ARHGAP22: variants seen among roughly 807,000 people sequenced by gnomAD.
ARHGAP22 encodes the protein rho GTPase-activating protein 22.
Under a neutral mutation model 59.1 loss-of-function variants are expected in ARHGAP22, and 48 were observed. That is an observed-to-expected ratio of 0.81 (90% CI 0.64 to 1.03). The LOEUF (loss-of-function observed/expected upper bound fraction) is 1.03. ARHGAP22 is among the 50% of genes least tolerant of loss of function. The pLI is 0.00. For synonymous variants in ARHGAP22, 445 were observed against 416.4 expected (o/e 1.07, Z -0.84); for missense variants, 1,015 against 958.7 (o/e 1.06, Z -0.78).
At chr10:48,457,461 T>C (rs942194771) in intron 5 of ARHGAP22, among the ~76,000 whole-genome samples, 36 of 152,036 alleles carry the variant, frequency 2.4e-4, no homozygotes, top group Non-Finnish European at 2.9e-5. Flanking sequence ...CCTTAGAATT[T>C]CTAATGCATG....
chr10:48,459,585 G>T, intron 5 of ARHGAP22, 99 bp downstream of exon 5: 1 of 1,384,508 alleles, frequency 7.2e-7, no homozygotes. Flanking sequence ...CCATCCTGTC[G>T]CTAGCCCACC....
rs1307182152 is a variant in ARHGAP22 at position 48,543,799 on chromosome 10, G to T, written c.322+11664C>A. Among the ~76,000 whole-genome samples the T allele has an allele frequency of 1.3e-5, 2 of 152,074 alleles. 1 individual carries two copies. The highest frequency in any genetic ancestry group is 2.9e-5 in the Non-Finnish European group (2 of 67,998). On this transcript the variant is annotated intron_variant, in intron 3 of 9. Transcript: ENST00000249601. ...TTAAAATCTCATTGGAAGCTTGTTT[G>T]TCTATGACAGATAAAAGAAGAACTG...
intron 3 of ARHGAP22, among the ~76,000 whole-genome samples, chr10:48,489,288 C>T (rs1441061239): frequency 1.3e-5 from 2 of 152,136 alleles, no homozygotes; most frequent in East Asian, 3.9e-4. Flanking sequence ...ATTGATGACC[C>T]CATTTGACAG....
chr10:48,520,103 A>G (rs917535856), intron 3 of ARHGAP22, among the ~76,000 whole-genome samples: 4 of 152,178 alleles, frequency 2.6e-5, no homozygotes, highest in African/African-American at 9.7e-5. Context: ...CAGGGTCGAG[A>G]GCCAGGAAAG....
intron 3 of ARHGAP22, among the ~76,000 whole-genome samples, chr10:48,487,614 A>G (rs1205301917): frequency 6.6e-6 from 1 of 152,178 alleles, no homozygotes; most frequent in African/African-American, 2.4e-5. Context: ...AGAAACTGGA[A>G]AGCTCAAGAA....
chr10:48,563,646 A>G (rs181986518), intron 2 of ARHGAP22, among the ~76,000 whole-genome samples: 5 of 152,308 alleles, frequency 3.3e-5, no homozygotes, highest in Non-Finnish European at 7.4e-5. Context: ...CTTATACTAC[A>G]GTAGACTACA....
At chr10:48,510,069 C>G (rs539856704) in intron 3 of ARHGAP22, among the ~76,000 whole-genome samples, 27 of 152,290 alleles carry the variant, frequency 1.8e-4, no homozygotes, top group African/African-American at 6.3e-4. Flanking sequence ...AAGTTTTTTA[C>G]CTCTTGGAGC....
At chr10:48,566,790 G>C (rs2058071153) in intron 2 of ARHGAP22, among the ~76,000 whole-genome samples, 1 of 152,216 alleles carries the variant, frequency 6.6e-6, no homozygotes, top group Non-Finnish European at 1.5e-5. Context: ...GTTCTGCAGA[G>C]AGCAGGGGCT....
At chr10:48,442,036 C>T (rs1042379957), downstream of ARHGAP22, among the ~76,000 whole-genome samples, 4 of 152,182 alleles carry the variant, frequency 2.6e-5, no homozygotes, top group Admixed American at 6.5e-5. Flanking sequence ...ATGACTAGAG[C>T]GTATCCTTTA....
chr10:48,621,519 G>A (rs1398496042), intron 1 of ARHGAP22, among the ~76,000 whole-genome samples: 1 of 152,182 alleles, frequency 6.6e-6, no homozygotes, highest in Non-Finnish European at 1.5e-5. Context: ...TGCCAGATTT[G>A]TTAAAAGTAT....
intron 2 of ARHGAP22, among the ~76,000 whole-genome samples, chr10:48,567,259 A>C (rs113708003): frequency 6.6e-5 from 10 of 152,112 alleles, no homozygotes; most frequent in African/African-American, 2.4e-4. Context: ...ACTGGTCCTC[A>C]CCCAGTGGCC....
At chr10:48,516,013 CA>C (rs141729272) in intron 3 of ARHGAP22, among the ~76,000 whole-genome samples, 2 of 146,852 alleles carry the variant, frequency 1.4e-5, no homozygotes, top group East Asian at 4.1e-4. Flanking sequence ...GACCTTAACT[CA>C]AAAAAAAACA....
intron 4 of ARHGAP22, chr10:48,479,177 A>C (rs192510859): frequency 1.8e-3 from 304 of 166,926 alleles, no homozygotes; most frequent in African/African-American, 6.7e-3. Flanking sequence ...GCTCTTCCCC[A>C]GCATGCCCCT....
chr10:48,603,633 A>T (rs190792730), intron 1 of ARHGAP22, among the ~76,000 whole-genome samples: 1 of 152,328 alleles, frequency 6.6e-6, no homozygotes, highest in Non-Finnish European at 1.5e-5. Flanking sequence ...GGCTTGTCCT[A>T]TCCCTTGGGT....
intron 3 of ARHGAP22, among the ~76,000 whole-genome samples, chr10:48,482,257 C>T (rs1157118561): frequency 6.6e-6 from 1 of 152,176 alleles, no homozygotes; most frequent in Non-Finnish European, 1.5e-5. Context: ...ACATGTAGGT[C>T]TATGAGTTAC....
chr10:48,437,110 T>G, the ARHGAP22 span: 1 of 152,358 alleles, frequency 6.6e-6, no homozygotes, highest in East Asian at 1.9e-4. Flanking sequence ...TATCATTTAT[T>G]GTAAATGCCA....
intron 2 of ARHGAP22, among the ~76,000 whole-genome samples, chr10:48,569,664 G>C (rs1283828173): frequency 2.0e-5 from 3 of 152,216 alleles, no homozygotes; most frequent in Non-Finnish European, 4.4e-5. Context: ...TTTAAGTGCT[G>C]TAAACTAATA....
chr10:48,596,640 A>G (rs767005347), intron 1 of ARHGAP22, among the ~76,000 whole-genome samples: 1 of 152,186 alleles, frequency 6.6e-6, no homozygotes, highest in Non-Finnish European at 1.5e-5. Flanking sequence ...GTCTTAGGAG[A>G]GACCATACCC....
chr10:48,555,384 C>A (rs1057493792), intron 3 of ARHGAP22, 79 bp downstream of exon 3: 2 of 1,016,710 alleles, frequency 2.0e-6, no homozygotes, highest in African/African-American at 3.4e-5. Flanking sequence ...AGGAGTGTCA[C>A]GAAGGTCTGC....
Sources: gnomAD v4.1 joint callset for allele counts (sites outside exome capture counted in the v4.1 genomes callset) on GRCh38, gnomAD v4.1.1 for gene constraint, MANE v1.5 for transcripts, NCBI Gene and HGNC (gene_info 2026-07-23, HGNC 2026-07-21) for gene names.